SOX30: variants seen among roughly 807,000 people sequenced by gnomAD.
SOX30 encodes the protein SRY-box transcription factor 30, also known as transcription factor SOX-30.
A neutral mutation model predicts 58.6 loss-of-function variants in SOX30; 17 were observed. The observed-to-expected ratio is 0.29, with a 90% CI of 0.20 to 0.44. The LOEUF (loss-of-function observed/expected upper bound fraction) is 0.44. Ranked by LOEUF, SOX30 falls within the 20% of genes least tolerant of loss-of-function variation. The pLI is 1.00. For missense variants in SOX30, 951 were observed against 965.8 expected, an observed-to-expected ratio of 0.98 and a Z score of 0.20; for synonymous variants, 421 against 400.2, an observed-to-expected ratio of 1.05 and a Z score of -0.62.
rs1422951635 is a variant in SOX30, at chr5:157,651,332, A to G, written c.747T>C (p.Gly249=). 1 of 1,614,000 alleles carries G rather than the reference A, an allele frequency of 6.2e-7. No homozygotes were observed. Among genetic ancestry groups the G allele is most frequent in the Non-Finnish European group, 8.5e-7 (1 of 1,180,030 alleles). Residue 249 remains glycine, a synonymous_variant, in exon 1 of 5, where the codon GGT becomes GGC. Coordinates refer to ENST00000265007, the MANE Select transcript of SOX30 (RefSeq NM_178424.2). ...SAEVILAPTS[G]AFGPHQQDLR... The stretch of plus-strand genomic sequence containing the variant: ...GGTCTTGCTGGTGCGGCCCAAAGGC[A>G]CCGGACGTTGGGGCCAAGATGACCT...
At chr5:157,666,271 C>T (rs577892556) in intron 2 of SOX30, among the ~76,000 whole-genome samples, 2 of 152,176 alleles carry the variant, frequency 1.3e-5, no homozygotes, top group Non-Finnish European at 2.9e-5. Flanking sequence ...CCTCCCACCT[C>T]CACCTCAGCC....
intron 3 of SOX30, among the ~76,000 whole-genome samples, chr5:157,643,238 T>C (rs2113843146): frequency 6.6e-6 from 1 of 152,116 alleles, no homozygotes; most frequent in South Asian, 2.1e-4. Context: ...CCAGCCTGGC[T>C]ATCATGGTGA....
At chr5:157,662,771 A>T (rs1378124845) in intron 2 of SOX30, among the ~76,000 whole-genome samples, 1 of 152,194 alleles carries the variant, frequency 6.6e-6, no homozygotes, top group African/African-American at 2.4e-5. Context: ...AGAAACATTG[A>T]TGGTCTTCTC....
chr5:157,628,587 C>T (rs560501379), intron 4 of SOX30, among the ~76,000 whole-genome samples: 1 of 151,986 alleles, frequency 6.6e-6, no homozygotes, highest in African/African-American at 2.4e-5. Context: ...TGCCTACTGC[C>T]ACTCTTAGTT....
chr5:157,626,335 T>G lies in SOX30; in HGVS notation c.*5A>C, dbSNP rs1351638834. ...GTTTATTTTCTGTGCATATTTGTTT[T>G]AAAATTATAAATCCCTGAGCACTTT... On this transcript the variant is annotated 3_prime_UTR_variant, in exon 5 of 5. Transcript: ENST00000265007. 6.3e-7 allele frequency: 1 copy of G among 1,588,092 alleles called. No homozygotes were observed. Among genetic ancestry groups the G allele is most frequent in the Non-Finnish European group, 8.6e-7 (1 of 1,168,910 alleles).
intron 2 of SOX30, 101 bp downstream of exon 2, chr5:157,648,556 A>C: frequency 8.9e-7 from 1 of 1,125,022 alleles, no homozygotes. Flanking sequence ...TACATATCAG[A>C]AAAAAATTAT....
chr5:157,655,897 G>T (rs1581405363), upstream of SOX30, among the ~76,000 whole-genome samples: 1 of 152,252 alleles, frequency 6.6e-6, no homozygotes, highest in African/African-American at 2.4e-5. Context: ...CTGTCATAAA[G>T]AGGGGTACCT....
chr5:157,670,255 C>T lies in SOX30; in HGVS notation c.-4+1075G>A, dbSNP rs146347769. ...CTAGTTAAGAAATATTTATCAGGCA[C>T]TGTATTAGGTGTTGGAGATACTGAA... is the stretch of plus-strand genomic sequence containing the variant. On this transcript the variant is annotated intron_variant, in intron 1 of 5. Coordinates refer to the SOX30 transcript ENST00000519442. Among the ~76,000 whole-genome samples, 8 of 152,256 alleles carry T rather than the reference C, an allele frequency of 5.3e-5. No homozygotes were observed. In the East Asian group the frequency reaches 1.5e-3, roughly 29 times the overall value.
chr5:157,663,321 C>T (rs1046777954), intron 2 of SOX30, among the ~76,000 whole-genome samples: 5 of 152,140 alleles, frequency 3.3e-5, no homozygotes, highest in Non-Finnish European at 7.4e-5. Context: ...TAAACGTAAT[C>T]CAGCATATAA....
upstream of SOX30, chr5:157,652,462 C>CAACGT: frequency 1.2e-6 from 1 of 860,144 alleles, no homozygotes; most frequent in Non-Finnish European, 1.4e-6. Flanking sequence ...AAACGTTGCG[C>CAACGT]TTCCAGGCCG....
intron 3 of SOX30, among the ~76,000 whole-genome samples, chr5:157,646,019 CA>C (rs11441809): frequency 1.9e-4 from 26 of 139,326 alleles, no homozygotes; most frequent in Non-Finnish European, 2.2e-4. Context: ...AACTCCATCT[CA>C]AAAAAAAAAA....
At chr5:157,642,969 T>C (rs1759104794) in intron 3 of SOX30, among the ~76,000 whole-genome samples, 1 of 152,106 alleles carries the variant, frequency 6.6e-6, no homozygotes, top group African/African-American at 2.4e-5. Context: ...TCAAAGTAAA[T>C]AGGTTAAAAA....
intron 4 of SOX30, among the ~76,000 whole-genome samples, chr5:157,629,869 T>C (rs1330649413): frequency 6.6e-6 from 1 of 152,198 alleles, no homozygotes; most frequent in African/African-American, 2.4e-5. Flanking sequence ...CCAGAACTTG[T>C]TCTCCTAACT....
At chr5:157,628,365 T>TCACACACACACACACACACACACACA (rs70984476) in intron 4 of SOX30, among the ~76,000 whole-genome samples, 4 of 139,706 alleles carry the variant, frequency 2.9e-5, no homozygotes, top group African/African-American at 1.0e-4. Context: ...TTTCTGGCCT[T>TCACACACACACACACACACACACACA]CACACACACA....
chr5:157,658,773 AG>A (rs1759527077), intron 2 of SOX30, among the ~76,000 whole-genome samples: 1 of 152,226 alleles, frequency 6.6e-6, no homozygotes, highest in African/African-American at 2.4e-5. Context: ...TGTGAACCAG[AG>A]CAACTCCATT....
At chr5:157,642,645 T>A (rs1759095209) in intron 3 of SOX30, among the ~76,000 whole-genome samples, 1 of 151,210 alleles carries the variant, frequency 6.6e-6, no homozygotes, top group African/African-American at 2.4e-5. Context: ...GGCAAAAAAA[T>A]AAATAAATAA....
chr5:157,641,470 G>A (rs780054065), intron 3 of SOX30, among the ~76,000 whole-genome samples: 1 of 152,032 alleles, frequency 6.6e-6, no homozygotes, highest in African/African-American at 2.4e-5. Context: ...AAAATTAGCC[G>A]GGCTTGGTGG....
rs1207513442 is a variant in SOX30 at position 157,625,969 on chromosome 5, T to TA, written c.*370dup. 2.5e-5 allele frequency: 4 copies of TA among 158,560 alleles called. No individual in the cohort carries two copies. The highest frequency in any genetic ancestry group is 9.6e-5 in the African/African-American group (4 of 41,732). 9.8% of individuals were successfully genotyped at this position (158,560 alleles called of 1,614,324 possible). A position where few individuals can be genotyped will look rare whatever the true frequency, so the allele number is the denominator to read the frequency against. On this transcript the variant is annotated 3_prime_UTR_variant, in exon 5 of 5. Transcript: ENST00000265007. Reference sequence around the variant, plus strand: ...CATAAAAAGCAAACAAAAAATCATTTAAAAAATGTATCCTGAGATAAAATA... The same window carrying TA: ...CATAAAAAGCAAACAAAAAATCATTTAAAAAAATGTATCCTGAGATAAAATA...
In SOX30 at chr5:157,665,759, A is replaced by G. The variant is rs1345729454; in HGVS notation, c.52+2039T>C. Among the ~76,000 whole-genome samples the G allele has an allele frequency of 2.0e-5, 3 of 150,726 alleles. No individual in the cohort carries two copies. The East Asian group carries it at 5.8e-4, about 29-fold the overall frequency. On this transcript the variant is annotated intron_variant, in intron 2 of 5. Transcript: ENST00000519442. ...AGCCCTTAAGTGTTTTAGGTACTTG[A>G]CATCTATTGTGTATTATTACCCCCA...
Sources: allele counts gnomAD v4.1 joint callset (sites outside exome capture counted in the v4.1 genomes callset), GRCh38; gene constraint gnomAD v4.1.1; transcripts MANE v1.5; gene names NCBI Gene and HGNC (gene_info 2026-07-23, HGNC 2026-07-21).